The following TANC2 variants were observed in gnomAD, a reference collection of about 807,000 sequenced individuals.
TANC2 encodes the protein protein TANC2.
In TANC2, 26 loss-of-function variants were observed where a neutral mutation model predicts 210.5. The observed-to-expected ratio is 0.12, with a 90% CI of 0.09 to 0.17. The LOEUF is 0.17. Among genes scored for constraint, TANC2 ranks in the 10% least tolerant of loss-of-function variants. The pLI is 1.00. For synonymous variants in TANC2, 931 were observed against 967.1 expected (o/e 0.96, Z 0.69); for missense variants, 2,129 against 2,608.9 (o/e 0.82, Z 4.01).
At chr17:63,003,578 G>T (rs1304794351) in intron 1 of TANC2, among the ~76,000 whole-genome samples, 1 of 152,198 alleles carries the variant, frequency 6.6e-6, no homozygotes, top group African/African-American at 2.4e-5. Context: ...TTAGAATGGT[G>T]TGTAATTTAA....
At chr17:63,285,165 GC>G (rs2044183028) in intron 9 of TANC2, among the ~76,000 whole-genome samples, 1 of 151,852 alleles carries the variant, frequency 6.6e-6, no homozygotes, top group Admixed American at 6.6e-5. Context: ...GATGGGTCTT[GC>G]TTTTTTATCC....
At chr17:63,178,338 A>C (rs1224511753) in intron 5 of TANC2, among the ~76,000 whole-genome samples, 4 of 152,218 alleles carry the variant, frequency 2.6e-5, no homozygotes, top group Admixed American at 1.3e-4. Flanking sequence ...GTCTCAAAAA[A>C]AAACACAAAA....
intron 12 of TANC2, among the ~76,000 whole-genome samples, chr17:63,343,314 G>A (rs542293410): frequency 7.2e-5 from 11 of 152,324 alleles, no homozygotes; most frequent in Non-Finnish European, 1.3e-4. Flanking sequence ...ATCTCAGACA[G>A]AGTAGACTTC....
At chr17:63,123,267 G>A (rs1247983829) in intron 4 of TANC2, among the ~76,000 whole-genome samples, 1 of 152,032 alleles carries the variant, frequency 6.6e-6, no homozygotes, top group Non-Finnish European at 1.5e-5. Context: ...ATATAAGAGG[G>A]GAAATGTGGG....
chr17:63,083,480 A>G (rs1324343324), intron 3 of TANC2, among the ~76,000 whole-genome samples: 2 of 152,176 alleles, frequency 1.3e-5, no homozygotes, highest in Non-Finnish European at 2.9e-5. Flanking sequence ...TCTTGGAGCC[A>G]TAAGGGCCCC....
intron 9 of TANC2, among the ~76,000 whole-genome samples, chr17:63,276,323 C>CT (rs1188494320): frequency 2.0e-5 from 3 of 152,036 alleles, no homozygotes; most frequent in Non-Finnish European, 2.9e-5. Context: ...AGCCAACACT[C>CT]TAAGAGCACA....
chr17:63,229,169 A>G (rs773873232), intron 7 of TANC2, among the ~76,000 whole-genome samples: 1 of 152,144 alleles, frequency 6.6e-6, no homozygotes, highest in Non-Finnish European at 1.5e-5. Context: ...GGCCTTTTCT[A>G]CGTCTATTGA....
chr17:63,394,939 G>T (rs1173161386), intron 17 of TANC2, among the ~76,000 whole-genome samples: 2 of 152,168 alleles, frequency 1.3e-5, no homozygotes, highest in African/African-American at 4.8e-5. Context: ...TATTCACTAT[G>T]TGGATGGCTG....
At chr17:63,144,886 G>GTTTTTTTTTTTTTTTTTTTTTTTT (rs761146040) in intron 4 of TANC2, among the ~76,000 whole-genome samples, 1 of 151,390 alleles carries the variant, frequency 6.6e-6, no homozygotes. Flanking sequence ...TTTTATTTTT[G>GTTTTTTTTTTTTTTTTTTTTTTTT]TTTTTTTCTT....
At position 63,410,860 on chromosome 17, in the gene TANC2, CAAAAAAAAAAAAA is replaced by C. The variant is rs34268418; in HGVS notation, c.3590-634_3590-622del. On this transcript the variant is annotated intron_variant, in intron 21 of 27. Transcript: ENST00000689528. ...AGGGCAACGGAGCAAGACTCCATCTCAAAAAAAAAAAAAAAAAAAAAAAAAAAAAGAAGCAGAA... is the reference window on the plus strand; with the variant it reads ...AGGGCAACGGAGCAAGACTCCATCTCAAAAAAAAAAAAAAAAGAAGCAGAA... 7.9e-4 allele frequency among the ~76,000 whole-genome samples: 31 copies of C among 39,014 alleles called. 1 individual carries two copies. Among genetic ancestry groups the C allele is most frequent in the Middle Eastern group, 0.033 (1 of 30 alleles). The allele number at this position is 39,014 out of a possible 152,430, so 25.6% of individuals were successfully genotyped here.
intron 2 of TANC2, among the ~76,000 whole-genome samples, chr17:63,029,265 T>C (rs1461613270): frequency 1.3e-5 from 2 of 152,096 alleles, no homozygotes; most frequent in African/African-American, 4.8e-5. Context: ...CTCCATAGTT[T>C]TGATTAGGAA....
intron 2 of TANC2, among the ~76,000 whole-genome samples, chr17:63,035,030 G>C (rs952886086): frequency 6.6e-6 from 1 of 152,118 alleles, no homozygotes; most frequent in Non-Finnish European, 1.5e-5. Context: ...ATCAAATATA[G>C]TATCATTTGC....
At chr17:63,223,697 G>T (rs192749600) in intron 7 of TANC2, among the ~76,000 whole-genome samples, 1 of 152,112 alleles carries the variant, frequency 6.6e-6, no homozygotes, top group African/African-American at 2.4e-5. Context: ...CTAGTGCGTT[G>T]CCATGGCATT....
intron 7 of TANC2, among the ~76,000 whole-genome samples, chr17:63,230,706 G>A (rs1390104020): frequency 3.3e-5 from 5 of 152,148 alleles, no homozygotes; most frequent in Admixed American, 6.5e-5. Context: ...CAATTTTACA[G>A]TAAGTGCCAG....
At chr17:63,222,207 T>C (rs1164702533) in intron 7 of TANC2, among the ~76,000 whole-genome samples, 7 of 152,036 alleles carry the variant, frequency 4.6e-5, no homozygotes, top group Non-Finnish European at 1.0e-4. Context: ...TCAACCCCAC[T>C]CAGGACCAAA....
intron 2 of TANC2, among the ~76,000 whole-genome samples, chr17:63,036,659 G>A (rs2034983914): frequency 6.6e-6 from 1 of 152,022 alleles, no homozygotes; most frequent in African/African-American, 2.4e-5. Flanking sequence ...TCTGGGATTT[G>A]GGGTGGAATT....
intron 7 of TANC2, among the ~76,000 whole-genome samples, chr17:63,216,083 C>T (rs2042019014): frequency 6.6e-6 from 1 of 152,050 alleles, no homozygotes; most frequent in Non-Finnish European, 1.5e-5. Flanking sequence ...CGGTCTTGCT[C>T]TGTTGCCCAA....
intron 9 of TANC2, among the ~76,000 whole-genome samples, chr17:63,271,010 C>T (rs150994493): frequency 7.1e-4 from 108 of 152,218 alleles, no homozygotes; most frequent in South Asian, 1.4e-3. Flanking sequence ...TTCTTTTTTA[C>T]GGCTTCATGG....
At chr17:63,333,401 A>G (rs886533103) in intron 11 of TANC2, among the ~76,000 whole-genome samples, 19 of 152,334 alleles carry the variant, frequency 1.2e-4, no homozygotes, top group African/African-American at 3.4e-4. Flanking sequence ...TATGGCAGAA[A>G]TAATAAGAGG....
Sources: gnomAD v4.1 joint callset for allele counts (sites outside exome capture counted in the v4.1 genomes callset) on GRCh38, gnomAD v4.1.1 for gene constraint, MANE v1.5 for transcripts, NCBI Gene and HGNC (gene_info 2026-07-23, HGNC 2026-07-21) for gene names.